Variants in LNX1 observed in about 807,000 individuals in gnomAD.
LNX1 encodes the protein ligand of numb-protein X 1.
LNX1 carries 54 observed loss-of-function variants against 68.4 expected under a neutral mutation model. The observed-to-expected ratio is 0.79, with a 90% CI of 0.63 to 0.99. The LOEUF (loss-of-function observed/expected upper bound fraction) is 0.99, where lower values mean the gene tolerates loss of function less well. Ranked by LOEUF, LNX1 falls within the 50% of genes least tolerant of loss-of-function variation. LNX1 has a pLI of 0.00. For synonymous variants in LNX1, 336 were observed against 350.0 expected, an observed-to-expected ratio of 0.96 and a Z score of 0.45; for missense variants, 906 against 926.4, an observed-to-expected ratio of 0.98 and a Z score of 0.29.
chr4:53,459,391 A>C lies in LNX1; in HGVS notation c.*1516T>G, dbSNP rs758210628. 3 of 1,613,420 alleles carry C rather than the reference A, an allele frequency of 1.9e-6. No individual in the cohort carries two copies. The highest frequency in any genetic ancestry group is 2.7e-5 in the African/African-American group (2 of 74,910). On this transcript the variant is annotated 3_prime_UTR_variant, in exon 11 of 11. Coordinates refer to ENST00000263925, the MANE Select transcript of LNX1 (RefSeq NM_001126328.3). Reference sequence around the variant, plus strand: ...TCTAAAAGAAGCAAAGAAGGAAAAGAAGCGGGCAGTGAGCCTGCCCCTGAA... The same window carrying C: ...TCTAAAAGAAGCAAAGAAGGAAAAGCAGCGGGCAGTGAGCCTGCCCCTGAA...
At chr4:53,590,877 T>C (rs1412027270) in intron 1 of LNX1, among the ~76,000 whole-genome samples, 9 of 152,174 alleles carry the variant, frequency 5.9e-5, no homozygotes, top group East Asian at 1.9e-4. Context: ...AGCTTCTGAA[T>C]AGGGCAACAG....
At chr4:53,549,889 G>C (rs1220168896) in intron 2 of LNX1, among the ~76,000 whole-genome samples, 2 of 152,166 alleles carry the variant, frequency 1.3e-5, no homozygotes, top group Admixed American at 6.5e-5. Context: ...TTATCCGCCT[G>C]ACATAGTCAT....
chr4:53,582,335 G>T (rs1357503155), intron 1 of LNX1, among the ~76,000 whole-genome samples: 1 of 152,144 alleles, frequency 6.6e-6, no homozygotes, highest in Non-Finnish European at 1.5e-5. Flanking sequence ...GGTTCACAAG[G>T]CAAGAGGAAT....
chr4:53,473,770 A>G (rs199867862), intron 9 of LNX1, among the ~76,000 whole-genome samples: 7 of 152,172 alleles, frequency 4.6e-5, no homozygotes, highest in Non-Finnish European at 7.4e-5. Context: ...GTTTACCTAT[A>G]TAACAAACCT....
At chr4:53,591,323 G>A (rs1427332769) in intron 1 of LNX1, 65 bp downstream of exon 1, 1 of 916,874 alleles carries the variant, frequency 1.1e-6, no homozygotes, top group Non-Finnish European at 1.3e-6. Flanking sequence ...CAAATTCCGT[G>A]TTCAGATCCC....
At chr4:53,472,685 C>CAAAAAAAAAAAAA (rs1309297098) in intron 9 of LNX1, among the ~76,000 whole-genome samples, 2 of 74,768 alleles carry the variant, frequency 2.7e-5, no homozygotes, top group African/African-American at 4.8e-5. Context: ...ACAACAACAA[C>CAAAAAAAAAAAAA]AAAAAAAAAA....
At chr4:53,530,003 TCA>T (rs1727909078) in intron 2 of LNX1, among the ~76,000 whole-genome samples, 1 of 152,224 alleles carries the variant, frequency 6.6e-6, no homozygotes, top group South Asian at 2.1e-4. Flanking sequence ...AAAAAAACTT[TCA>T]CACTTTCTAC....
At chr4:53,585,997 C>T (rs1431381435) in intron 1 of LNX1, among the ~76,000 whole-genome samples, 1 of 152,116 alleles carries the variant, frequency 6.6e-6, no homozygotes, top group Non-Finnish European at 1.5e-5. Flanking sequence ...TATTTGGAGA[C>T]AGCAGCCACA....
intron 2 of LNX1, among the ~76,000 whole-genome samples, chr4:53,568,098 A>G (rs1475084354): frequency 6.6e-6 from 1 of 152,160 alleles, no homozygotes; most frequent in Non-Finnish European, 1.5e-5. Flanking sequence ...TCCTTCTGAA[A>G]CTATTCCAAT....
chr4:53,574,164 G>T (rs1731344504), intron 1 of LNX1, 76 bp from the exon 2 acceptor site: 2 of 1,089,798 alleles, frequency 1.8e-6, no homozygotes, highest in Non-Finnish European at 2.5e-6. Context: ...CATGAGACAG[G>T]GCTGCCAATG....
chr4:53,534,577 G>C (rs1728239507), intron 2 of LNX1, among the ~76,000 whole-genome samples: 2 of 152,138 alleles, frequency 1.3e-5, no homozygotes, highest in South Asian at 4.2e-4. Flanking sequence ...AGGAGTTTGG[G>C]GTTGCAAAGA....
chr4:53,459,370 AAAG>A lies in LNX1; in HGVS notation c.*1534_*1536del. On this transcript the variant is annotated 3_prime_UTR_variant, in exon 11 of 11. Coordinates refer to ENST00000263925, the MANE Select transcript of LNX1 (RefSeq NM_001126328.3). ...AGGAGACACAAACACAAAAAATCTA[AAAG>A]AAGCAAAGAAGGAAAAGAAGCGGGC... 1 of 1,613,042 alleles carries A rather than the reference AAAG, an allele frequency of 6.2e-7. No homozygotes were observed. The highest frequency in any genetic ancestry group is 8.5e-7 in the Non-Finnish European group (1 of 1,179,642).
chr4:53,639,945 A>G (rs1053242694), intron 1 of LNX1, among the ~76,000 whole-genome samples: 9 of 152,276 alleles, frequency 5.9e-5, no homozygotes, highest in Admixed American at 2.0e-4. Flanking sequence ...AGGCACAAAA[A>G]TTGCTTGAAC....
intron 6 of LNX1, among the ~76,000 whole-genome samples, chr4:53,495,693 C>T (rs1270635034): frequency 6.6e-6 from 1 of 152,152 alleles, no homozygotes; most frequent in African/African-American, 2.4e-5. Context: ...CAGGCACCTG[C>T]CACCACACCT....
chr4:53,498,241 A>T (rs903889991), intron 5 of LNX1, among the ~76,000 whole-genome samples: 3 of 152,204 alleles, frequency 2.0e-5, no homozygotes, highest in Non-Finnish European at 4.4e-5. Flanking sequence ...AATCTACTCT[A>T]AAAACAATTT....
chr4:53,544,348 C>G (rs971361813), intron 2 of LNX1, among the ~76,000 whole-genome samples: 2 of 152,168 alleles, frequency 1.3e-5, no homozygotes, highest in African/African-American at 4.8e-5. Flanking sequence ...CGCATGCCAC[C>G]ATGCCTGGCT....
At chr4:53,499,309 C>T (rs992478835) in intron 4 of LNX1, among the ~76,000 whole-genome samples, 1 of 152,122 alleles carries the variant, frequency 6.6e-6, no homozygotes. Flanking sequence ...CAGGCACATG[C>T]CACCATTCCT....
intron 2 of LNX1, among the ~76,000 whole-genome samples, chr4:53,561,022 AT>A (rs1730250392): frequency 6.6e-6 from 1 of 152,162 alleles, no homozygotes; most frequent in African/African-American, 2.4e-5. Flanking sequence ...TATCTCAGAT[AT>A]CACTGATTAT....
At chr4:53,551,544 A>G (rs1341950585) in intron 2 of LNX1, among the ~76,000 whole-genome samples, 1 of 152,184 alleles carries the variant, frequency 6.6e-6, no homozygotes, top group Non-Finnish European at 1.5e-5. Flanking sequence ...GAGCACGTAC[A>G]CAACTTCAGT....
Sources: gnomAD v4.1 joint callset for allele counts (sites outside exome capture counted in the v4.1 genomes callset) on GRCh38, gnomAD v4.1.1 for gene constraint, MANE v1.5 for transcripts, NCBI Gene and HGNC (gene_info 2026-07-23, HGNC 2026-07-21) for gene names.